The following ZNF365 variants were observed in gnomAD, a reference collection of about 807,000 sequenced individuals.
The protein encoded by ZNF365 is zinc finger protein 365.
ZNF365 carries 22 observed loss-of-function variants against 35.0 expected under a neutral mutation model. The ratio of observed to expected loss-of-function variants is 0.63; its 90% CI spans 0.45 to 0.90. The LOEUF (loss-of-function observed/expected upper bound fraction) is 0.90, where lower values mean the gene tolerates loss of function less well. Ranked by LOEUF, ZNF365 falls within the 40% of genes least tolerant of loss-of-function variation. ZNF365 has a pLI of 0.00. For synonymous variants in ZNF365, 188 were observed against 196.2 expected, an observed-to-expected ratio of 0.96 and a Z score of 0.35; for missense variants, 448 against 500.3, an observed-to-expected ratio of 0.90 and a Z score of 1.00.
chr10:62,415,746 T>C (rs1408318847), intron 3 of ZNF365, among the ~76,000 whole-genome samples: 2 of 152,162 alleles, frequency 1.3e-5, no homozygotes, highest in Non-Finnish European at 2.9e-5. Flanking sequence ...TCATCTTCAA[T>C]TCTCTACAGA....
chr10:62,378,264 G>A (rs552554212), intron 2 of ZNF365, among the ~76,000 whole-genome samples: 22 of 152,272 alleles, frequency 1.4e-4, no homozygotes, highest in South Asian at 8.3e-4. Flanking sequence ...TACTCTATGC[G>A]TAAAGAAAGG....
intron 4 of ZNF365, among the ~76,000 whole-genome samples, chr10:62,464,905 G>A (rs575540891): frequency 1.4e-4 from 22 of 152,338 alleles, no homozygotes; most frequent in Admixed American, 2.6e-4. Context: ...CAAGGGAGGC[G>A]CAGCCAGAGC....
chr10:62,426,889 C>T (rs1051445838), intron 3 of ZNF365, among the ~76,000 whole-genome samples: 7 of 152,068 alleles, frequency 4.6e-5, no homozygotes, highest in African/African-American at 1.7e-4. Context: ...GAGCACTTTG[C>T]CAACTCTAAG....
intron 3 of ZNF365, among the ~76,000 whole-genome samples, chr10:62,416,201 G>A (rs559398885): frequency 6.6e-5 from 1 of 15,078 alleles, no homozygotes; most frequent in South Asian, 3.8e-3. Context: ...TCCTTACACA[G>A]GTCAAGTGTC....
intron 3 of ZNF365, among the ~76,000 whole-genome samples, chr10:62,395,189 T>C (rs1373053590): frequency 6.6e-6 from 1 of 152,180 alleles, no homozygotes; most frequent in Non-Finnish European, 1.5e-5. Flanking sequence ...TGAGTTATTC[T>C]TTGTCTCTAT....
rs1206127671 is a variant in ZNF365 at position 62,399,739 on chromosome 10, A to C, written c.1174A>C (p.Arg392=). The C allele has an allele frequency of 8.1e-6, 13 of 1,614,062 alleles. No individual in the cohort carries two copies. The highest frequency in any genetic ancestry group is 9.3e-6 in the Non-Finnish European group (11 of 1,180,008). Residue 392 remains arginine (R), a synonymous_variant, in exon 5 of 5, where the codon AGG becomes CGG. Transcript: ENST00000395254. ...GGGGTTTGGCCGCAAAGGCAACATC[A>C]GGCCCAAAATGGCTAAAAAAAAGCC... The part of the protein sequence containing the change: ...LLGFGRKGNI[R]PKMAKKKPTA...
chr10:62,409,956 A>G (rs1275894914), intron 3 of ZNF365, among the ~76,000 whole-genome samples: 2 of 152,102 alleles, frequency 1.3e-5, no homozygotes, highest in Non-Finnish European at 2.9e-5. Flanking sequence ...CCTCTCTGTG[A>G]TGGTGTCCAC....
In ZNF365 at chr10:62,378,002, A is replaced by G. The variant is rs117455251; in HGVS notation, c.743+1066A>G. Among the ~76,000 whole-genome samples, 30 of 152,348 alleles carry G rather than the reference A, an allele frequency of 2.0e-4. No homozygotes were observed. In the East Asian group the frequency reaches 5.6e-3, roughly 28 times the overall value. ...ATTAAAGAGATCATTACTTGCTATC[A>G]CTTAAATGCTTACGTTCTACCTTGA... On this transcript the variant is annotated intron_variant, in intron 2 of 4. Transcript: ENST00000395254.
intron 3 of ZNF365, among the ~76,000 whole-genome samples, chr10:62,435,123 G>C (rs1484420697): frequency 2.6e-5 from 4 of 152,098 alleles, no homozygotes; most frequent in African/African-American, 9.7e-5. Context: ...AGAATGACTG[G>C]CTAATGACAG....
At chr10:62,461,534 C>A (rs1449910227) in intron 4 of ZNF365, among the ~76,000 whole-genome samples, 1 of 152,196 alleles carries the variant, frequency 6.6e-6, no homozygotes, top group Non-Finnish European at 1.5e-5. Context: ...CCGCACGGAG[C>A]TTTTCCCCTT....
chr10:62,447,724 C>T (rs1056566475), intron 3 of ZNF365, among the ~76,000 whole-genome samples: 5 of 152,152 alleles, frequency 3.3e-5, no homozygotes, highest in Non-Finnish European at 5.9e-5. Flanking sequence ...GGGAATCACG[C>T]TTCCCTGGAA....
intron 3 of ZNF365, among the ~76,000 whole-genome samples, chr10:62,389,461 C>T (rs1015382204): frequency 1.3e-5 from 2 of 151,588 alleles, no homozygotes; most frequent in Non-Finnish European, 2.9e-5. Context: ...ACTGCTTCCA[C>T]CCCCGCAGCA....
chr10:62,441,476 T>C (rs1840500599), intron 3 of ZNF365, among the ~76,000 whole-genome samples: 1 of 152,096 alleles, frequency 6.6e-6, no homozygotes, highest in South Asian at 2.1e-4. Flanking sequence ...CTCAGAGACA[T>C]GATCTTATTA....
chr10:62,427,535 C>T (rs1305079090), intron 3 of ZNF365, among the ~76,000 whole-genome samples: 1 of 152,142 alleles, frequency 6.6e-6, no homozygotes, highest in African/African-American at 2.4e-5. Flanking sequence ...GGATGCGTGA[C>T]TTACACAGAA....
intron 3 of ZNF365, among the ~76,000 whole-genome samples, chr10:62,395,846 AG>A (rs1839717717): frequency 6.6e-6 from 1 of 152,208 alleles, no homozygotes; most frequent in African/African-American, 2.4e-5. Context: ...ATTTTGGATA[AG>A]AGTTAGTCAA....
rs755476358 is a variant in ZNF365, at chr10:62,401,139, C to CAT, written c.*1358_*1359dup. 2.1e-6 allele frequency: 2 copies of CAT among 946,532 alleles called. No individual in the cohort carries two copies. Among genetic ancestry groups the CAT allele is most frequent in the African/African-American group, 3.5e-5 (2 of 56,364 alleles). The allele number at this position is 946,532 out of a possible 1,614,324, so 58.6% of individuals were successfully genotyped here. A position where few individuals can be genotyped will look rare whatever the true frequency, so the allele number is the denominator to read the frequency against. ...TTGTCCACAAATATATACATATATACATATATATAACACATACAAAATATA... is the reference window on the plus strand; with the variant it reads ...TTGTCCACAAATATATACATATATACATATATATATAACACATACAAAATATA... On this transcript the variant is annotated 3_prime_UTR_variant, in exon 5 of 5. Transcript: ENST00000395254.
At chr10:62,376,065 T>G (rs1839320013) in intron 1 of ZNF365, 116 bp from the exon 2 acceptor site, 1 of 1,117,698 alleles carries the variant, frequency 8.9e-7, no homozygotes. Context: ...CATAAAATAT[T>G]ATGTGCAAAA....
chr10:62,466,639 A>G (rs1840948183), intron 4 of ZNF365, among the ~76,000 whole-genome samples: 1 of 151,970 alleles, frequency 6.6e-6, no homozygotes, highest in Non-Finnish European at 1.5e-5. Context: ...CAAGGTCTCT[A>G]GCTTCTGCTT....
chr10:62,453,889 A>G lies in ZNF365; in HGVS notation c.925-5852A>G, dbSNP rs983448525. 5.3e-5 allele frequency among the ~76,000 whole-genome samples: 8 copies of G among 152,340 alleles called. No homozygotes were observed. The South Asian group carries it at 8.3e-4, about 16-fold the overall frequency. ...AAGTTGTAATACATCTTTACCATAG[A>G]ACACCATTGTAGCCTCACACCCCAT... is the stretch of plus-strand genomic sequence containing the variant. On this transcript the variant is annotated intron_variant, in intron 3 of 4. Coordinates refer to the ZNF365 transcript ENST00000395255.
Sources: allele counts gnomAD v4.1 joint callset (sites outside exome capture counted in the v4.1 genomes callset), GRCh38; gene constraint gnomAD v4.1.1; transcripts MANE v1.5; gene names NCBI Gene and HGNC (gene_info 2026-07-23, HGNC 2026-07-21).